Variants in SRGAP2B observed in about 807,000 individuals in gnomAD.
The protein encoded by SRGAP2B is SLIT-ROBO Rho GTPase-activating protein 2B.
Under a neutral mutation model 22.2 loss-of-function variants are expected in SRGAP2B, and 9 were observed. The observed-to-expected ratio is 0.41, with a 90% CI of 0.24 to 0.71. SRGAP2B has a LOEUF of 0.71. Ranked by LOEUF, SRGAP2B falls within the 30% of genes least tolerant of loss-of-function variation. SRGAP2B has a pLI of 0.35. For missense variants in SRGAP2B, 114 were observed against 235.8 expected, an observed-to-expected ratio of 0.48 and a Z score of 3.38; for synonymous variants, 36 against 87.4, an observed-to-expected ratio of 0.41 and a Z score of 3.28.
At chr1:144,931,444 A>C (rs1345547462) in intron 4 of SRGAP2B, among the ~76,000 whole-genome samples, 1 of 150,750 alleles carries the variant, frequency 6.6e-6, no homozygotes, top group Non-Finnish European at 1.5e-5. Flanking sequence ...AAAGGCCATA[A>C]ATTTTCACAG....
chr1:144,899,715 A>C (rs1409270902), intron 7 of SRGAP2B, among the ~76,000 whole-genome samples: 2 of 149,178 alleles, frequency 1.3e-5, no homozygotes, highest in African/African-American at 5.0e-5. Context: ...CACCAGCCAC[A>C]CAGGTTGTTG....
intron 2 of SRGAP2B, among the ~76,000 whole-genome samples, chr1:145,020,913 C>T (rs375590310): frequency 0.026 from 3,854 of 149,130 alleles, 40 homozygotes; most frequent in Middle Eastern, 0.12. Context: ...AATTCTCATG[C>T]CTCAGCTTCC....
At chr1:144,920,230 TATG>T (rs1242746562) in intron 4 of SRGAP2B, among the ~76,000 whole-genome samples, 2 of 151,052 alleles carry the variant, frequency 1.3e-5, no homozygotes, top group Non-Finnish European at 2.9e-5. Context: ...TGCTGTCCAC[TATG>T]ATATTTCCTA....
intron 3 of SRGAP2B, among the ~76,000 whole-genome samples, chr1:144,975,032 G>A (rs1553613964): frequency 6.8e-6 from 1 of 147,358 alleles, no homozygotes; most frequent in African/African-American, 2.7e-5. Context: ...TGGTCCAGAA[G>A]TAGGGGAAAA....
intron 2 of SRGAP2B, among the ~76,000 whole-genome samples, chr1:145,088,427 G>GCA (rs1372706918): frequency 1.5e-5 from 2 of 136,074 alleles, no homozygotes; most frequent in African/African-American, 5.6e-5. Flanking sequence ...GCTCTGTGGT[G>GCA]CACACACACT....
chr1:144,967,104 T>C (rs1668144657), intron 3 of SRGAP2B, among the ~76,000 whole-genome samples: 1 of 87,724 alleles, frequency 1.1e-5, no homozygotes, highest in Non-Finnish European at 2.1e-5. Context: ...TCAACAAGGA[T>C]ACCCAGGAAT....
rs1221007415 is a variant in SRGAP2B at position 144,896,439 on chromosome 1, A to G, written c.1053+677T>C. Among the ~76,000 whole-genome samples, 10 of 136,834 alleles carry G rather than the reference A, an allele frequency of 7.3e-5. No individual in the cohort carries two copies. In the East Asian group the frequency reaches 1.9e-3, roughly 26 times the overall value. The allele number at this position is 136,834 out of a possible 152,430, so 89.8% of individuals were successfully genotyped here. A position where few individuals can be genotyped will look rare whatever the true frequency, so the allele number is the denominator to read the frequency against. ...TCACTGGAGGCTAAGAGTCCAAAACAAGGCCCCCATGTTCATGCTCCCCTG... is the reference window on the plus strand; with the variant it reads ...TCACTGGAGGCTAAGAGTCCAAAACGAGGCCCCCATGTTCATGCTCCCCTG... On this transcript the variant is annotated intron_variant, in intron 8 of 9. Transcript: ENST00000612199.
intron 2 of SRGAP2B, among the ~76,000 whole-genome samples, chr1:145,044,077 G>A (rs1553628150): frequency 4.4e-5 from 1 of 22,926 alleles, no homozygotes; most frequent in Non-Finnish European, 6.9e-5. Context: ...GGCTGTAATC[G>A]CAGGAGAGGA....
chr1:144,955,099 G>T (rs1667159461), intron 4 of SRGAP2B, among the ~76,000 whole-genome samples: 1 of 150,262 alleles, frequency 6.7e-6, no homozygotes, highest in African/African-American at 2.5e-5. Flanking sequence ...CTTGCAAATG[G>T]TTCCTTTCCC....
chr1:144,983,883 C>T (rs1669498224), intron 3 of SRGAP2B, among the ~76,000 whole-genome samples: 2 of 150,554 alleles, frequency 1.3e-5, no homozygotes, highest in South Asian at 4.2e-4. Flanking sequence ...ATCTCTTTAG[C>T]CCTGCATACA....
intron 6 of SRGAP2B, 106 bp downstream of exon 6, chr1:144,905,753 C>A: frequency 1.4e-6 from 1 of 708,248 alleles, no homozygotes; most frequent in Non-Finnish European, 2.6e-6. Flanking sequence ...TAAAAGAACC[C>A]AGAGCTTCCT....
chr1:144,904,192 G>A (rs1662819579), intron 7 of SRGAP2B, among the ~76,000 whole-genome samples: 1 of 150,488 alleles, frequency 6.6e-6, no homozygotes, highest in South Asian at 2.1e-4. Flanking sequence ...TTGGACAAGT[G>A]AGTCTCGTAG....
intron 2 of SRGAP2B, among the ~76,000 whole-genome samples, chr1:145,056,699 AC>A (rs1650427312): frequency 2.3e-5 from 1 of 42,906 alleles, no homozygotes. Context: ...AAGGGGACAA[AC>A]CCAAACCACC....
chr1:144,973,067 C>A (rs1553613601), intron 3 of SRGAP2B, among the ~76,000 whole-genome samples: 1 of 143,740 alleles, frequency 7.0e-6, no homozygotes, highest in East Asian at 2.0e-4. Context: ...AAGATGGCGC[C>A]ATTACACTCC....
intron 2 of SRGAP2B, among the ~76,000 whole-genome samples, chr1:145,009,781 A>G (rs1439628315): frequency 2.3e-5 from 3 of 129,916 alleles, no homozygotes; most frequent in Admixed American, 1.6e-4. Flanking sequence ...GAGGAAGACA[A>G]TAAATAAAAC....
intron 2 of SRGAP2B, among the ~76,000 whole-genome samples, chr1:145,015,477 T>C (rs1672347304): frequency 8.2e-6 from 1 of 121,620 alleles, no homozygotes; most frequent in African/African-American, 3.4e-5. Context: ...GGGCCTGCCT[T>C]CCAAAGGAAT....
At chr1:144,971,923 T>C (rs1461015976) in intron 3 of SRGAP2B, among the ~76,000 whole-genome samples, 29 of 149,878 alleles carry the variant, frequency 1.9e-4, no homozygotes, top group Admixed American at 8.6e-4. Context: ...TGGTGGTTAT[T>C]ACATTTCATT....
At chr1:145,070,105 T>A (rs1194058505) in intron 2 of SRGAP2B, among the ~76,000 whole-genome samples, 1 of 150,340 alleles carries the variant, frequency 6.7e-6, no homozygotes, top group Non-Finnish European at 1.5e-5. Context: ...GTCATTCCTT[T>A]GTACAGTATT....
chr1:144,913,158 C>G (rs1245237026), intron 5 of SRGAP2B, among the ~76,000 whole-genome samples: 3 of 142,142 alleles, frequency 2.1e-5, no homozygotes, highest in Non-Finnish European at 4.5e-5. Context: ...GCTAACAGAT[C>G]CTTAGACAGT....
Sources: gnomAD v4.1 joint callset for allele counts (sites outside exome capture counted in the v4.1 genomes callset) on GRCh38, gnomAD v4.1.1 for gene constraint, MANE v1.5 for transcripts, NCBI Gene and HGNC (gene_info 2026-07-23, HGNC 2026-07-21) for gene names.